Variants in DIS3L2 observed in about 807,000 individuals in gnomAD.
The protein encoded by DIS3L2 is DIS3-like exonuclease 2.
Under a neutral mutation model 97.5 loss-of-function variants are expected in DIS3L2, and 34 were observed. The ratio of observed to expected loss-of-function variants is 0.35; its 90% CI spans 0.27 to 0.46. DIS3L2 has a LOEUF of 0.46. Among genes scored for constraint, DIS3L2 ranks in the 20% least tolerant of loss-of-function variants. The pLI is 1.00. For missense variants in DIS3L2, 1,038 were observed against 1,146.0 expected (o/e 0.91, Z 1.36); for synonymous variants, 435 against 445.2 (o/e 0.98, Z 0.29).
In DIS3L2 at chr2:232,200,387, A is replaced by G. The variant is rs145738890; in HGVS notation, c.1125-9939A>G. ...TGCCCCATCCTGGTTTCTAAATGCC[A>G]TTCCCACCAGAAGGAATTTGGGCTC... On this transcript the variant is annotated intron_variant, in intron 9 of 20. Transcript: ENST00000325385. Among the ~76,000 whole-genome samples, 256 of 152,302 alleles carry G rather than the reference A, an allele frequency of 1.7e-3. 5 individuals carry two copies. The highest frequency in any genetic ancestry group is 6.0e-3 in the African/African-American group (248 of 41,568).
At chr2:232,166,672 C>T (rs887433009) in intron 9 of DIS3L2, among the ~76,000 whole-genome samples, 1 of 151,636 alleles carries the variant, frequency 6.6e-6, no homozygotes, top group South Asian at 2.1e-4. Context: ...GCCAAGATCG[C>T]ACCACTGCAA....
chr2:232,288,762 T>C lies in DIS3L2; in HGVS notation c.1660-11278T>C, dbSNP rs371427103. ...ACTGAATGCCTACCATTATGGTCAT[T>C]GTTTCATCAGTCTGTGTTTAAACTT... On this transcript the variant is annotated intron_variant, in intron 13 of 20. Transcript: ENST00000325385. Among the ~76,000 whole-genome samples, 55 of 152,364 alleles carry C rather than the reference T, an allele frequency of 3.6e-4. No homozygotes were observed. The South Asian group carries it at 4.6e-3, about 13-fold the overall frequency.
At chr2:231,981,598 TTATATA>T (rs10669283) in intron 1 of DIS3L2, among the ~76,000 whole-genome samples, 4,932 of 84,016 alleles carry the variant, frequency 0.059, 236 homozygotes, top group African/African-American at 0.13. Flanking sequence ...GTTAAGTATT[TTATATA>T]TATATATATA....
chr2:232,251,145 A>ATGTGTAAT (rs1397396166), intron 12 of DIS3L2, among the ~76,000 whole-genome samples: 1 of 152,254 alleles, frequency 6.6e-6, no homozygotes, highest in Non-Finnish European at 1.5e-5. Context: ...TCTTAAGTAT[A>ATGTGTAAT]TGTGTAATTC....
At chr2:232,023,036 T>C (rs1050558297) in intron 3 of DIS3L2, 8 of 152,198 alleles carry the variant, frequency 5.3e-5, no homozygotes, top group African/African-American at 1.9e-4. Context: ...TCTACTATAC[T>C]TCTCATCTGA....
At chr2:232,279,192 C>A (rs1253734030) in intron 13 of DIS3L2, among the ~76,000 whole-genome samples, 1 of 152,098 alleles carries the variant, frequency 6.6e-6, no homozygotes, top group Non-Finnish European at 1.5e-5. Context: ...CCACCTCGGC[C>A]TCTCAAAGTG....
intron 5 of DIS3L2, among the ~76,000 whole-genome samples, chr2:232,073,079 T>C (rs1413019120): frequency 6.6e-6 from 1 of 152,202 alleles, no homozygotes; most frequent in African/African-American, 2.4e-5. Flanking sequence ...AATTTTATAA[T>C]GAAAAGCTTA....
At chr2:232,077,024 T>C (rs1251687773) in intron 5 of DIS3L2, among the ~76,000 whole-genome samples, 1 of 152,168 alleles carries the variant, frequency 6.6e-6, no homozygotes, top group African/African-American at 2.4e-5. Context: ...CAGCAGGGTG[T>C]CTCTTCTTCT....
At chr2:231,975,402 A>G (rs949607880) in intron 1 of DIS3L2, among the ~76,000 whole-genome samples, 1 of 151,666 alleles carries the variant, frequency 6.6e-6, no homozygotes, top group Non-Finnish European at 1.5e-5. Context: ...CTGAGAGGTT[A>G]AAAAAAAGAT....
chr2:232,246,946 T>G (rs921399057), intron 11 of DIS3L2, among the ~76,000 whole-genome samples: 1 of 1,830 alleles, frequency 5.5e-4, no homozygotes, highest in African/African-American at 4.5e-3. Context: ...TTTCACTAGT[T>G]TTTCCATCAG....
chr2:232,093,188 CATTG>C (rs1245859321), intron 6 of DIS3L2, among the ~76,000 whole-genome samples: 1 of 152,100 alleles, frequency 6.6e-6, no homozygotes, highest in African/African-American at 2.4e-5. Context: ...TGATGCATCA[CATTG>C]ATTGGTTTGC....
chr2:232,102,131 A>G (rs1697220845), intron 6 of DIS3L2, among the ~76,000 whole-genome samples: 1 of 152,228 alleles, frequency 6.6e-6, no homozygotes, highest in African/African-American at 2.4e-5. Context: ...TGAAGCATTC[A>G]TGCTAAAAAT....
intron 9 of DIS3L2, among the ~76,000 whole-genome samples, chr2:232,203,698 G>T (rs1436157035): frequency 6.6e-6 from 1 of 152,212 alleles, no homozygotes; most frequent in Non-Finnish European, 1.5e-5. Flanking sequence ...CCACCAACAT[G>T]CCAGAGACAG....
chr2:232,116,921 A>G (rs538488713), intron 6 of DIS3L2, among the ~76,000 whole-genome samples: 2 of 152,356 alleles, frequency 1.3e-5, no homozygotes, highest in South Asian at 4.1e-4. Context: ...AAGTGGAACC[A>G]GCCGTCCACG....
chr2:232,119,536 T>C (rs1697830602), intron 6 of DIS3L2, among the ~76,000 whole-genome samples: 1 of 152,226 alleles, frequency 6.6e-6, no homozygotes, highest in African/African-American at 2.4e-5. Flanking sequence ...TGTATGTACC[T>C]ACATTTTGGG....
chr2:232,273,981 T>A (rs1417805978), intron 13 of DIS3L2, among the ~76,000 whole-genome samples: 2 of 152,212 alleles, frequency 1.3e-5, no homozygotes, highest in African/African-American at 4.8e-5. Flanking sequence ...TTAATGGAGA[T>A]AATTCCCATA....
intron 13 of DIS3L2, among the ~76,000 whole-genome samples, chr2:232,290,259 A>G (rs899547074): frequency 6.6e-6 from 1 of 152,220 alleles, no homozygotes; most frequent in Non-Finnish European, 1.5e-5. Flanking sequence ...CATGCTTTGT[A>G]TTCACTGTTG....
At chr2:232,205,531 G>T (rs1401121827) in intron 9 of DIS3L2, among the ~76,000 whole-genome samples, 1 of 151,862 alleles carries the variant, frequency 6.6e-6, no homozygotes, top group African/African-American at 2.4e-5. Context: ...TGAACTCCTG[G>T]ACTCAAGCAG....
At chr2:232,336,354 A>C in intron 20 of DIS3L2, 115 bp from the exon 21 acceptor site, 1 of 1,547,844 alleles carries the variant, frequency 6.5e-7, no homozygotes, top group Non-Finnish European at 8.7e-7. Context: ...AGGCGAGCAG[A>C]GGCTTCCAGA....
Sources: gnomAD v4.1 joint callset for allele counts (sites outside exome capture counted in the v4.1 genomes callset) on GRCh38, gnomAD v4.1.1 for gene constraint, MANE v1.5 for transcripts, NCBI Gene and HGNC (gene_info 2026-07-23, HGNC 2026-07-21) for gene names.